Variants in ZFAND3 observed in about 807,000 individuals in gnomAD.
The protein encoded by ZFAND3 is AN1-type zinc finger protein 3.
In ZFAND3, 10 loss-of-function variants were observed where a neutral mutation model predicts 29.6. The ratio of observed to expected loss-of-function variants is 0.34; its 90% CI spans 0.21 to 0.57. The LOEUF (loss-of-function observed/expected upper bound fraction) is 0.57. ZFAND3 is among the 20% of genes least tolerant of loss of function. The probability of loss-of-function intolerance (pLI) is 0.86; values close to 1 mark genes in which losing one functional copy is unlikely to be tolerated. For synonymous variants in ZFAND3, 128 were observed against 112.6 expected (o/e 1.14, Z -0.87); for missense variants, 230 against 304.5 (o/e 0.76, Z 1.82).
chr6:38,074,438 T>C (rs1197228151), intron 3 of ZFAND3, among the ~76,000 whole-genome samples: 1 of 152,194 alleles, frequency 6.6e-6, no homozygotes, highest in Non-Finnish European at 1.5e-5. Flanking sequence ...AAAAAGTTTC[T>C]TAGTGTCCTT....
chr6:38,050,471 C>A, intron 2 of ZFAND3, among the ~76,000 whole-genome samples: 1 of 152,036 alleles, frequency 6.6e-6, no homozygotes, highest in East Asian at 1.9e-4. Flanking sequence ...GTAATTGTAT[C>A]ATGCGGGCGG....
intron 1 of ZFAND3, among the ~76,000 whole-genome samples, chr6:37,854,549 G>A (rs529895637): frequency 2.6e-5 from 4 of 152,172 alleles, no homozygotes; most frequent in African/African-American, 9.6e-5. Context: ...CATTTATTGA[G>A]CATTTTCTGT....
Position 37,852,541 on chromosome 6 carries a change from G to A in ZFAND3, c.71+32525G>A, listed in dbSNP as rs543420594. Among the ~76,000 whole-genome samples, 12 of 152,050 alleles carry A rather than the reference G, an allele frequency of 7.9e-5. 1 individual carries two copies. The highest frequency in any genetic ancestry group is 3.3e-4 in the Admixed American group (5 of 15,268). ...TATCACCTCATGCACATATCTTGCC[G>A]TTTCCAAACTCCATGCCTTCTTATT... On this transcript the variant is annotated intron_variant, in intron 1 of 5. Coordinates refer to ENST00000287218, the MANE Select transcript of ZFAND3 (RefSeq NM_021943.3).
At chr6:37,902,532 G>A (rs1317181315) in intron 1 of ZFAND3, among the ~76,000 whole-genome samples, 3 of 151,924 alleles carry the variant, frequency 2.0e-5, no homozygotes, top group Non-Finnish European at 4.4e-5. Flanking sequence ...CAAATATAAC[G>A]TTAGTAAAAA....
chr6:38,080,547 A>G (rs1373485671), intron 3 of ZFAND3, among the ~76,000 whole-genome samples: 1 of 152,112 alleles, frequency 6.6e-6, no homozygotes, highest in Non-Finnish European at 1.5e-5. Context: ...AAAGTCGCTT[A>G]TTGGCAGTTT....
At chr6:38,114,650 A>G (rs1160074483) in intron 4 of ZFAND3, among the ~76,000 whole-genome samples, 2 of 152,160 alleles carry the variant, frequency 1.3e-5, no homozygotes, top group Non-Finnish European at 2.9e-5. Context: ...GCAAACTACC[A>G]GCATCACCAT....
At chr6:38,076,415 G>C (rs1043538725) in intron 3 of ZFAND3, among the ~76,000 whole-genome samples, 1 of 152,114 alleles carries the variant, frequency 6.6e-6, no homozygotes, top group Non-Finnish European at 1.5e-5. Context: ...AGGTATGCCT[G>C]TAATTGTTTA....
chr6:37,857,402 A>G (rs905439053), intron 1 of ZFAND3, among the ~76,000 whole-genome samples: 1 of 152,234 alleles, frequency 6.6e-6, no homozygotes, highest in African/African-American at 2.4e-5. Context: ...TACTGTGGAA[A>G]CAATGGTAAG....
intron 2 of ZFAND3, among the ~76,000 whole-genome samples, chr6:38,032,452 G>A (rs1356029024): frequency 6.6e-6 from 1 of 152,172 alleles, no homozygotes; most frequent in Non-Finnish European, 1.5e-5. Flanking sequence ...TCTGCTCAGT[G>A]GTCATGGAGC....
intron 2 of ZFAND3, among the ~76,000 whole-genome samples, chr6:37,975,585 A>G (rs751232871): frequency 1.3e-5 from 2 of 152,278 alleles, no homozygotes; most frequent in African/African-American, 2.4e-5. Flanking sequence ...AAATTTTTAT[A>G]TATGATATGG....
At chr6:38,117,809 T>C (rs1765451122) in intron 5 of ZFAND3, among the ~76,000 whole-genome samples, 1 of 152,202 alleles carries the variant, frequency 6.6e-6, no homozygotes, top group South Asian at 2.1e-4. Flanking sequence ...TTTACTATCT[T>C]CTGAAGCGGC....
chr6:37,985,529 C>CCCACACA (rs1762656548), intron 2 of ZFAND3, among the ~76,000 whole-genome samples: 1 of 89,700 alleles, frequency 1.1e-5, no homozygotes, highest in East Asian at 3.8e-4. Context: ...ACACACACAC[C>CCCACACA]CCCACACACG....
chr6:38,095,699 A>G (rs1325631630), intron 4 of ZFAND3, among the ~76,000 whole-genome samples: 2 of 152,096 alleles, frequency 1.3e-5, no homozygotes, highest in East Asian at 1.9e-4. Context: ...TTCTGCTTCC[A>G]TTATGTTGGA....
At chr6:38,140,796 C>G (rs965848759) in intron 5 of ZFAND3, among the ~76,000 whole-genome samples, 1 of 152,166 alleles carries the variant, frequency 6.6e-6, no homozygotes, top group Non-Finnish European at 1.5e-5. Flanking sequence ...TTTGTAGAGT[C>G]CTTTAGTGGG....
chr6:37,860,644 T>G (rs1364315082), intron 1 of ZFAND3, among the ~76,000 whole-genome samples: 5 of 143,616 alleles, frequency 3.5e-5, no homozygotes, highest in Non-Finnish European at 6.0e-5. Context: ...TTAGTTTTTT[T>G]TTTTTTTTTT....
At chr6:38,117,144 T>C (rs1204257807) in intron 5 of ZFAND3, among the ~76,000 whole-genome samples, 1 of 152,166 alleles carries the variant, frequency 6.6e-6, no homozygotes, top group African/African-American at 2.4e-5. Context: ...CTTCTTACTA[T>C]TTATGATAAA....
chr6:38,024,856 G>C (rs1240138629), intron 2 of ZFAND3, among the ~76,000 whole-genome samples: 1 of 152,192 alleles, frequency 6.6e-6, no homozygotes, highest in Non-Finnish European at 1.5e-5. Flanking sequence ...CTTTTGGGTT[G>C]ATGAAAATGT....
chr6:37,977,913 C>T (rs1377674419), intron 2 of ZFAND3, among the ~76,000 whole-genome samples: 1 of 129,016 alleles, frequency 7.8e-6, no homozygotes, highest in Non-Finnish European at 1.6e-5. Context: ...CTCTTCCTTT[C>T]TTCCTTTCTT....
At chr6:37,975,131 A>G (rs1396259193) in intron 2 of ZFAND3, among the ~76,000 whole-genome samples, 1 of 152,212 alleles carries the variant, frequency 6.6e-6, no homozygotes, top group African/African-American at 2.4e-5. Context: ...CAGTTCCTCC[A>G]TATCCTCACC....
Sources: allele counts gnomAD v4.1 joint callset (sites outside exome capture counted in the v4.1 genomes callset), GRCh38; gene constraint gnomAD v4.1.1; transcripts MANE v1.5; gene names NCBI Gene and HGNC (gene_info 2026-07-23, HGNC 2026-07-21).